The following DNAH14 variants were observed in gnomAD, a reference collection of about 807,000 sequenced individuals.
DNAH14 encodes the protein dynein axonemal heavy chain 14, also known as axonemal beta dynein heavy chain 14.
In DNAH14, 478 loss-of-function variants were observed where a neutral mutation model predicts 520.9. The ratio of observed to expected loss-of-function variants is 0.92; its 90% CI spans 0.85 to 0.99. DNAH14 has a LOEUF of 0.99. Among genes scored for constraint, DNAH14 ranks in the 50% least tolerant of loss-of-function variants. DNAH14 has a pLI of 0.00. For missense variants in DNAH14, 4,831 were observed against 5,234.5 expected, an observed-to-expected ratio of 0.92 and a Z score of 2.38; for synonymous variants, 1,581 against 1,757.2, an observed-to-expected ratio of 0.90 and a Z score of 2.51.
chr1:225,042,807 G>A, intron 12 of DNAH14, 28 bp from the exon 13 acceptor site: 1 of 1,529,274 alleles, frequency 6.5e-7, no homozygotes, highest in Non-Finnish European at 8.8e-7. Context: ...TGTTGTCACT[G>A]GCACCCTCAC....
chr1:225,373,582 G>C (rs2095646845), intron 77 of DNAH14, among the ~76,000 whole-genome samples: 4 of 151,954 alleles, frequency 2.6e-5, no homozygotes, highest in Admixed American at 2.6e-4. Flanking sequence ...AGGAAGGAGA[G>C]AGAAGAAAAG....
chr1:225,283,374 G>C (rs1331926713), intron 54 of DNAH14, among the ~76,000 whole-genome samples: 1 of 151,518 alleles, frequency 6.6e-6, no homozygotes, highest in Non-Finnish European at 1.5e-5. Context: ...AAGAAAGTTG[G>C]AGTGGGTATA....
chr1:225,267,243 T>A (rs1221776936), intron 49 of DNAH14, among the ~76,000 whole-genome samples: 3 of 152,052 alleles, frequency 2.0e-5, no homozygotes, highest in Non-Finnish European at 4.4e-5. Flanking sequence ...CAAGGTGGTA[T>A]TTCTGTGCAA....
Position 225,096,766 on chromosome 1 carries a change from T to G in DNAH14, c.3574-352T>G, listed in dbSNP as rs113225017. 2.7e-3 allele frequency among the ~76,000 whole-genome samples: 416 copies of G among 152,296 alleles called. 3 individuals carry two copies. Among genetic ancestry groups the G allele is most frequent in the African/African-American group, 9.4e-3 (390 of 41,566 alleles). On this transcript the variant is annotated intron_variant, in intron 21 of 85. Transcript: ENST00000682510. ...ATGCTTAAAGAAAGGACTGAAATAA[T>G]ATGCATATCACATTTCTGGTTATGT...
chr1:225,142,447 C>G (rs936666545), intron 28 of DNAH14, among the ~76,000 whole-genome samples: 7 of 152,194 alleles, frequency 4.6e-5, no homozygotes, highest in African/African-American at 1.4e-4. Context: ...AACATCAGAT[C>G]ATGTTACATA....
chr1:225,082,853 C>A, intron 20 of DNAH14, 114 bp downstream of exon 20: 2 of 826,718 alleles, frequency 2.4e-6, no homozygotes, highest in Non-Finnish European at 3.7e-6. Context: ...TATAAGAGTG[C>A]CTGGGAAAAT....
rs2092801524 is a variant in DNAH14 at position 225,257,974 on chromosome 1, A to G, written c.6880A>G (p.Thr2294Ala). 1 of 1,549,498 alleles carries G rather than the reference A, an allele frequency of 6.5e-7. No individual in the cohort carries two copies. The highest frequency in any genetic ancestry group is 8.7e-7 in the Non-Finnish European group (1 of 1,146,194). Residue 2294 changes from threonine (T) to alanine (A), a missense_variant, in exon 45 of 86, where the codon ACT (threonine) becomes GCT (alanine). Thr to Ala is a moderately conservative substitution (Grantham distance 58). Transcript: ENST00000682510. ...TGTTAACTTAGGAACTTCATTACTA[A>G]CTAATCTTCAAAGATCTGGCGGAAA... ...TLIQRGTSLL[T>A]NLQRSGGNFL...
At chr1:225,099,026 C>G (rs1038826461) in intron 22 of DNAH14, among the ~76,000 whole-genome samples, 1 of 152,076 alleles carries the variant, frequency 6.6e-6, no homozygotes, top group Non-Finnish European at 1.5e-5. Flanking sequence ...AAGGGGCAGA[C>G]TCTCTAACGG....
At position 225,303,308 on chromosome 1, in the gene DNAH14, C is replaced by T; in HGVS notation, c.8784C>T (p.Asn2928=). ...AAGAAGCTCTCCTTATTGTAGCTAA[C>T]TCATTCTTAAAAGAAAAGGTCAATT... is the stretch of plus-strand genomic sequence containing the variant. ...WPEEALLIVA[N]SFLKEKVNFE... is the part of the protein sequence containing the mutation. Residue 2928 remains asparagine, a synonymous_variant, in exon 57 of 86, where the codon AAC becomes AAT. Coordinates refer to ENST00000682510, the MANE Select transcript of DNAH14 (RefSeq NM_001367479.1). The T allele has an allele frequency of 6.5e-7, 1 of 1,549,324 alleles. No individual in the cohort carries two copies. The highest frequency in any genetic ancestry group is 1.2e-5 in the South Asian group (1 of 83,392).
At chr1:225,264,691 T>A (rs681643) in intron 47 of DNAH14, among the ~76,000 whole-genome samples, 10 of 151,852 alleles carry the variant, frequency 6.6e-5, no homozygotes, top group African/African-American at 1.7e-4. Context: ...ATTCTGACTC[T>A]CTAGTTTTGG....
At chr1:225,308,235 A>G (rs2094289251) in intron 59 of DNAH14, 50 bp from the exon 60 acceptor site, 1 of 1,493,382 alleles carries the variant, frequency 6.7e-7, no homozygotes, top group East Asian at 2.6e-5. Flanking sequence ...TTTAGAAAAG[A>G]GATCATGTCT....
chr1:224,953,601 A>G (rs1453645488), intron 2 of DNAH14, among the ~76,000 whole-genome samples: 1 of 152,192 alleles, frequency 6.6e-6, no homozygotes, highest in African/African-American at 2.4e-5. Context: ...ACAAGGATAC[A>G]CAAATAAAGA....
intron 19 of DNAH14, among the ~76,000 whole-genome samples, 168 bp from the exon 20 acceptor site, chr1:225,082,381 A>G (rs2073240653): frequency 6.6e-6 from 1 of 152,170 alleles, no homozygotes; most frequent in Non-Finnish European, 1.5e-5. Context: ...TTCTCATGGA[A>G]GGGTAATGTT....
At chr1:225,303,675 T>C (rs1457101939) in intron 57 of DNAH14, among the ~76,000 whole-genome samples, 1 of 152,170 alleles carries the variant, frequency 6.6e-6, no homozygotes, top group Non-Finnish European at 1.5e-5. Flanking sequence ...TGCTGCAACC[T>C]TCTGTGTATT....
At chr1:225,113,788 G>T (rs767650655) in intron 23 of DNAH14, among the ~76,000 whole-genome samples, 3 of 152,118 alleles carry the variant, frequency 2.0e-5, no homozygotes, top group Non-Finnish European at 2.9e-5. Flanking sequence ...GAGTACTGCC[G>T]GGGTACCGCT....
intron 48 of DNAH14, among the ~76,000 whole-genome samples, chr1:225,266,138 T>C (rs181721824): frequency 6.6e-6 from 1 of 152,280 alleles, no homozygotes; most frequent in East Asian, 1.9e-4. Context: ...TGTCTGAATT[T>C]TCTGCTTGTT....
At chr1:224,998,271 C>T (rs937338581) in intron 8 of DNAH14, among the ~76,000 whole-genome samples, 1 of 151,858 alleles carries the variant, frequency 6.6e-6, no homozygotes, top group African/African-American at 2.4e-5. Flanking sequence ...TTCTTTTCTC[C>T]ATTTCATTGA....
chr1:225,078,791 T>C (rs1359339680), intron 17 of DNAH14, among the ~76,000 whole-genome samples: 1 of 54,770 alleles, frequency 1.8e-5, no homozygotes, highest in Non-Finnish European at 5.0e-5. Flanking sequence ...TCTCTCTCTC[T>C]CTCTCTCTCT....
At chr1:225,180,455 G>T (rs115722114) in intron 36 of DNAH14, among the ~76,000 whole-genome samples, 3,234 of 152,282 alleles carry the variant, frequency 0.021, 87 homozygotes, top group African/African-American at 0.062. Flanking sequence ...CCTGGTGAGG[G>T]CCTCTGGCTG....
Sources: allele counts gnomAD v4.1 joint callset (sites outside exome capture counted in the v4.1 genomes callset), GRCh38; gene constraint gnomAD v4.1.1; transcripts MANE v1.5; gene names NCBI Gene and HGNC (gene_info 2026-07-23, HGNC 2026-07-21).